Variants in RPP30 observed in about 807,000 individuals in gnomAD.
The protein encoded by RPP30 is ribonuclease P/MRP subunit p30.
A neutral mutation model predicts 38.6 loss-of-function variants in RPP30; 36 were observed. The observed-to-expected ratio is 0.93, with a 90% CI of 0.71 to 1.23. The LOEUF (loss-of-function observed/expected upper bound fraction) is 1.23, where lower values mean the gene tolerates loss of function less well. Ranked by LOEUF, RPP30 falls within the 50% of genes most tolerant of loss-of-function variation. The probability of loss-of-function intolerance (pLI) is 0.00; values close to 1 mark genes in which losing one functional copy is unlikely to be tolerated. For missense variants in RPP30, 321 were observed against 321.7 expected (o/e 1.00, Z 0.02); for synonymous variants, 126 against 112.7 (o/e 1.12, Z -0.75).
chr10:90,873,367 A>T (rs1846808754), intron 1 of RPP30, among the ~76,000 whole-genome samples: 2 of 152,216 alleles, frequency 1.3e-5, no homozygotes, highest in Non-Finnish European at 1.5e-5. Flanking sequence ...ATGGCATATA[A>T]AGTTGCCTCA....
downstream of RPP30, chr10:90,908,146 A>G (rs975667649): frequency 6.6e-6 from 1 of 152,218 alleles, no homozygotes. Context: ...GTTGCTATCA[A>G]TAGAAATTTT....
At position 90,885,842 on chromosome 10, in the gene RPP30, G is replaced by C. The variant is rs756357984; in HGVS notation, c.373G>C (p.Val125Leu). 3 of 1,611,542 alleles carry C rather than the reference G, an allele frequency of 1.9e-6. No homozygotes were observed. In the South Asian group the frequency reaches 3.3e-5, roughly 18 times the overall value. ...TTGCACACATTTAGATGTGGATTTA[G>C]TCTGCATAACTGTAACAGAGAAACT... ...IACTHLDVDLVCITVTEKLPF... is the reference protein window; with the variant it reads ...IACTHLDVDLLCITVTEKLPF... Residue 125 changes from valine (V) to leucine (L), a missense_variant, in exon 6 of 11, where the codon GTC becomes CTC. Val to Leu is a conservative substitution (Grantham distance 32). Transcript: ENST00000371703.
At chr10:90,895,807 A>G (rs148105825) in intron 8 of RPP30, 73 bp from the exon 9 acceptor site, 181 of 1,108,978 alleles carry the variant, frequency 1.6e-4, no homozygotes, top group African/African-American at 1.4e-3. Flanking sequence ...TAAATTTTCT[A>G]TTAATTTGCT....
intron 6 of RPP30, 62 bp from the exon 7 acceptor site, chr10:90,894,713 A>C: frequency 9.0e-7 from 1 of 1,112,218 alleles, no homozygotes; most frequent in East Asian, 2.4e-5. Context: ...AGAGAGAATC[A>C]GTGAAAATGA....
chr10:90,894,817 G>A lies in RPP30; in HGVS notation c.475G>A (p.Ala159Thr), dbSNP rs758345797. 1.9e-6 allele frequency: 3 copies of A among 1,613,494 alleles called. No individual in the cohort carries two copies. The highest frequency in any genetic ancestry group is 2.5e-6 in the Non-Finnish European group (3 of 1,179,552). The change falls in exon 7 of 11, where the codon GCT (alanine) becomes ACT (threonine). Residue 159 changes from alanine to threonine, a missense_variant. Coordinates refer to ENST00000371703, the MANE Select transcript of RPP30 (RefSeq NM_006413.5). ...GGCTTTTGAACTTGTCTATAGCCCT[G>A]CTATCAAAGACTCCACAATGAGAAG... Reference protein sequence around the residue: ...GLAFELVYSPAIKDSTMRRYT... With the variant: ...GLAFELVYSPTIKDSTMRRYT...
At chr10:90,879,001 A>T in intron 4 of RPP30, 62 bp from the exon 5 acceptor site, 2 of 1,346,992 alleles carry the variant, frequency 1.5e-6, no homozygotes, top group Non-Finnish European at 2.1e-6. Context: ...GTCAATCACT[A>T]GACAGAATTT....
chr10:90,896,308 C>G lies in RPP30; in HGVS notation c.618-5C>G, dbSNP rs1213075147. 2 of 1,613,732 alleles carry G rather than the reference C, an allele frequency of 1.2e-6. No homozygotes were observed. Among genetic ancestry groups the G allele is most frequent in the East Asian group, 2.2e-5 (1 of 44,882 alleles). ...CTGGGTTGAAATCTTTAATGCTCCC[C>G]CAAGAGGCTTGCTGTTTGGGCTCTC... On this transcript the variant is annotated splice_polypyrimidine_tract_variant and splice_region_variant and intron_variant, in intron 9 of 10. Transcript: ENST00000371703.
At chr10:90,881,944 G>GTA (rs1846934328) in intron 5 of RPP30, among the ~76,000 whole-genome samples, 9 of 152,214 alleles carry the variant, frequency 5.9e-5, no homozygotes, top group African/African-American at 2.2e-4. Context: ...TCATTTCCAT[G>GTA]GGACATAATA....
chr10:90,907,105 A>G (rs1847261823), downstream of RPP30, among the ~76,000 whole-genome samples: 1 of 152,170 alleles, frequency 6.6e-6, no homozygotes, highest in Non-Finnish European at 1.5e-5. Flanking sequence ...TTAACTCTTT[A>G]TTCTCTTCTC....
At chr10:90,895,988 G>T in intron 9 of RPP30, 71 bp downstream of exon 9, 1 of 1,157,328 alleles carries the variant, frequency 8.6e-7, no homozygotes, top group South Asian at 1.4e-5. Context: ...TCGTATTATA[G>T]TTGAACATGT....
chr10:90,881,426 T>C (rs1456581310), intron 5 of RPP30, among the ~76,000 whole-genome samples: 1 of 152,208 alleles, frequency 6.6e-6, no homozygotes, highest in Non-Finnish European at 1.5e-5. Context: ...TTTCTCAGAC[T>C]TAAAGTTTGA....
At chr10:90,902,361 G>T, downstream of RPP30, 1 of 386,518 alleles carries the variant, frequency 2.6e-6, no homozygotes, top group South Asian at 1.8e-5. Context: ...GGGACCAGAA[G>T]CATGCACCAC....
exon 5 of RPP30, chr10:90,908,427 G>T (rs537410756): frequency 6.6e-6 from 1 of 152,258 alleles, no homozygotes; most frequent in African/African-American, 2.4e-5. Context: ...ACAAGTTGAA[G>T]ATTTGTGGCA....
At chr10:90,885,021 A>G (rs567548592) in intron 5 of RPP30, among the ~76,000 whole-genome samples, 1 of 152,210 alleles carries the variant, frequency 6.6e-6, no homozygotes, top group South Asian at 2.1e-4. Context: ...CTTGCCCTCT[A>G]CACTAGTAAC....
intron 10 of RPP30, among the ~76,000 whole-genome samples, chr10:90,898,374 C>A (rs1847167003): frequency 6.6e-6 from 1 of 152,092 alleles, no homozygotes; most frequent in Non-Finnish European, 1.5e-5. Flanking sequence ...AATATGGTTA[C>A]CCTGGTTTTC....
At chr10:90,893,051 A>C (rs1847101690) in intron 6 of RPP30, among the ~76,000 whole-genome samples, 2 of 152,254 alleles carry the variant, frequency 1.3e-5, no homozygotes, top group Non-Finnish European at 2.9e-5. Flanking sequence ...CACAGGTGAA[A>C]GAATTAGAGA....
chr10:90,903,172 G>A, downstream of RPP30: 1 of 1,403,658 alleles, frequency 7.1e-7, no homozygotes, highest in Middle Eastern at 1.9e-4. Flanking sequence ...CTAATGTCAA[G>A]TTCCTTTTCT....
At position 90,895,877 on chromosome 10, in the gene RPP30, C is replaced by T. The variant is rs1847133837; in HGVS notation, c.580-3C>T. 1 of 1,590,704 alleles carries T rather than the reference C, an allele frequency of 6.3e-7. No individual in the cohort carries two copies. The highest frequency in any genetic ancestry group is 8.6e-7 in the Non-Finnish European group (1 of 1,166,078). On this transcript the variant is annotated splice_region_variant and splice_polypyrimidine_tract_variant and intron_variant, in intron 8 of 10. Transcript: ENST00000371703. Reference sequence around the variant, plus strand: ...TATCTACTCTTTGTTCATTTTATTTCAGCCTTTAGAAATAAGAGGGCCATA... The same window carrying T: ...TATCTACTCTTTGTTCATTTTATTTTAGCCTTTAGAAATAAGAGGGCCATA...
chr10:90,908,399 G>C (rs1195229815), exon 5 of RPP30: 1 of 152,074 alleles, frequency 6.6e-6, no homozygotes, highest in Non-Finnish European at 1.5e-5. Flanking sequence ...ATTGTGCTTT[G>C]CAAATACTGA....
Sources: gnomAD v4.1 joint callset for allele counts (sites outside exome capture counted in the v4.1 genomes callset) on GRCh38, gnomAD v4.1.1 for gene constraint, MANE v1.5 for transcripts, NCBI Gene and HGNC (gene_info 2026-07-23, HGNC 2026-07-21) for gene names.